CFAP65: variants seen among roughly 807,000 people sequenced by gnomAD.
CFAP65 encodes cilia- and flagella-associated protein 65.
CFAP65 carries 155 observed loss-of-function variants against 208.0 expected under a neutral mutation model. The observed-to-expected ratio is 0.75, with a 90% CI of 0.65 to 0.85. The LOEUF (loss-of-function observed/expected upper bound fraction) is 0.85. CFAP65 is among the 40% of genes least tolerant of loss of function. CFAP65 has a pLI of 0.00. For missense variants in CFAP65, 2,294 were observed against 2,451.3 expected (o/e 0.94, Z 1.36); for synonymous variants, 970 against 986.3 (o/e 0.98, Z 0.31).
intron 5 of CFAP65, 137 bp downstream of exon 5, chr2:219,035,343 G>A: frequency 6.4e-7 from 1 of 1,564,720 alleles, no homozygotes; most frequent in Non-Finnish European, 8.7e-7. Context: ...TATTCATACT[G>A]CACGTATTTT....
At chr2:219,023,732 C>T (rs1406754663) in intron 15 of CFAP65, among the ~76,000 whole-genome samples, 1 of 152,250 alleles carries the variant, frequency 6.6e-6, no homozygotes, top group African/African-American at 2.4e-5. Flanking sequence ...TATCCCTCTA[C>T]CACCTGCAGG....
Position 219,004,935 on chromosome 2 carries a change from T to TC in CFAP65, c.5052-481_5052-480insG, listed in dbSNP as rs1945842512. Among the ~76,000 whole-genome samples the TC allele has an allele frequency of 1.3e-5, 2 of 149,024 alleles. No homozygotes were observed. Among genetic ancestry groups the TC allele is most frequent in the African/African-American group, 5.1e-5 (2 of 39,028 alleles). ...TCTTTCTCTCTCTTTCTCTCCTCTT[T>TC]TTTCTTTCTTTCTTTCTTTCTTTCT... On this transcript the variant is annotated intron_variant, in intron 32 of 34. Coordinates refer to ENST00000341552, the MANE Select transcript of CFAP65 (RefSeq NM_194302.4). This position sits in a 1 kb window ranked among gnomAD's most constrained non-coding sequence, Gnocchi z 4.7.
In CFAP65 at chr2:219,031,653, C is replaced by T; in HGVS notation, c.651G>A (p.Glu217=). 6.2e-7 allele frequency: 1 copy of T among 1,607,466 alleles called. No homozygotes were observed. Among genetic ancestry groups the T allele is most frequent in the Non-Finnish European group, 8.5e-7 (1 of 1,176,480 alleles). ...TCTCAAACCACAGCTGGTCCATGTACTCCTTCTGCAGTGTGAGGCGGGGCA... is the reference window on the plus strand; with the variant it reads ...TCTCAAACCACAGCTGGTCCATGTATTCCTTCTGCAGTGTGAGGCGGGGCA... ...PIVFRPLEAK[E]YMDQLWFEKA... is the part of the protein sequence containing the mutation. The change falls in exon 7 of 35, where the codon GAG becomes GAA. Residue 217 remains glutamate (E), a synonymous_variant. Transcript: ENST00000341552. This position sits in a 1 kb window ranked among gnomAD's most constrained non-coding sequence, Gnocchi z 5.2.
chr2:219,028,478 A>T, intron 11 of CFAP65, 77 bp from the exon 12 acceptor site: 4 of 1,304,240 alleles, frequency 3.1e-6, no homozygotes, highest in Non-Finnish European at 4.4e-6. Flanking sequence ...TGAACTGAGG[A>T]CAGAAGCTGG....
intron 16 of CFAP65, 78 bp downstream of exon 16, chr2:219,023,129 G>A (rs1181270839): frequency 1.6e-6 from 2 of 1,280,044 alleles, no homozygotes; most frequent in Non-Finnish European, 2.2e-6. Context: ...CACATGGCAA[G>A]TCTGGGCTAT....
intron 15 of CFAP65, 81 bp downstream of exon 15, chr2:219,023,934 C>A (rs986798554): frequency 2.0e-5 from 30 of 1,520,346 alleles, no homozygotes; most frequent in Non-Finnish European, 2.3e-5. Context: ...AGGGGCCAAC[C>A]CCAGAATATG....
chr2:219,035,285 T>G, intron 5 of CFAP65, 195 bp downstream of exon 5: 5 of 1,488,930 alleles, frequency 3.4e-6, no homozygotes, highest in Non-Finnish European at 4.5e-6. Context: ...CAGGCACACA[T>G]TGGGACACTA....
At chr2:219,041,365 C>T in intron 1 of CFAP65, 123 bp downstream of exon 1, 1 of 951,730 alleles carries the variant, frequency 1.1e-6, no homozygotes, top group Admixed American at 2.0e-5. Flanking sequence ...CTCTGAAGGG[C>T]ATGGAGGGGA....
intron 24 of CFAP65, 109 bp downstream of exon 24, chr2:219,013,150 C>T: frequency 2.5e-6 from 2 of 789,802 alleles, no homozygotes; most frequent in South Asian, 3.1e-5. Context: ...CCCAGCCCCT[C>T]AATGCTTCCA....
Position 219,029,472 on chromosome 2 carries a change from C to T in CFAP65, c.1581G>A (p.Leu527=). 6.2e-7 allele frequency: 1 copy of T among 1,614,096 alleles called. No homozygotes were observed. The highest frequency in any genetic ancestry group is 8.5e-7 in the Non-Finnish European group (1 of 1,180,002). Residue 527 remains leucine, a synonymous_variant, in exon 11 of 35, where the codon CTG becomes CTA. Coordinates refer to ENST00000341552, the MANE Select transcript of CFAP65 (RefSeq NM_194302.4). ...GTLVGKARMT[L]HCAFQPTHPI... ...GGTGAGTGGGCTGGAAGGCACAGTG[C>T]AGGGTCATACGGGCCTTGCCCACCA...
chr2:219,040,376 G>T, intron 2 of CFAP65, 143 bp downstream of exon 2: 268 of 549,538 alleles, frequency 4.9e-4, no homozygotes, highest in East Asian at 7.6e-4. Flanking sequence ...AGATTCTGTT[G>T]ACCCTGGTTT....
At chr2:219,035,716 G>A in intron 4 of CFAP65, 52 bp from the exon 5 acceptor site, 1 of 1,549,504 alleles carries the variant, frequency 6.5e-7, no homozygotes, top group Non-Finnish European at 8.7e-7. Context: ...TCAGCAGGGT[G>A]GGATGCCAAG....
At position 219,038,881 on chromosome 2, in the gene CFAP65, A is replaced by G. The variant is rs746065104; in HGVS notation, c.153+15T>C. ...CAGCAAGCTCCAGTGGGTGTTACTG[A>G]AGTGTGTGCATTACCTTTATCTGGC... On this transcript the variant is annotated intron_variant, in intron 3 of 34. Transcript: ENST00000341552. 6.3e-7 allele frequency: 1 copy of G among 1,596,752 alleles called. No individual in the cohort carries two copies. The highest frequency in any genetic ancestry group is 1.1e-5 in the South Asian group (1 of 87,798).
At chr2:219,035,397 G>GTTCGT in intron 5 of CFAP65, 83 bp downstream of exon 5, 1 of 1,606,612 alleles carries the variant, frequency 6.2e-7, no homozygotes, top group Non-Finnish European at 8.5e-7. Context: ...GGTTTTTTTT[G>GTTCGT]TTTGTTTTGT....
intron 16 of CFAP65, 134 bp from the exon 17 acceptor site, chr2:219,022,463 A>G (rs555667547): frequency 2.1e-6 from 2 of 963,980 alleles, no homozygotes; most frequent in African/African-American, 3.2e-5. Flanking sequence ...CAGGCATTGT[A>G]CACGGCACAT....
At position 219,003,124 on chromosome 2, in the gene CFAP65, G is replaced by A. The variant is rs750322732; in HGVS notation, c.5693+11C>T. 1.3e-6 allele frequency: 2 copies of A among 1,542,510 alleles called. No homozygotes were observed. Among genetic ancestry groups the A allele is most frequent in the African/African-American group, 1.4e-5 (1 of 72,934 alleles). On this transcript the variant is annotated intron_variant, in intron 34 of 34. Coordinates refer to ENST00000341552, the MANE Select transcript of CFAP65 (RefSeq NM_194302.4). This position sits in a 1 kb window ranked among gnomAD's most constrained non-coding sequence, Gnocchi z 4.4. ...CGCGGTCTGCGCGGCCGCTGGTCCC[G>A]GCGCCCTTACCTGGGCACGCAGAAC...
In CFAP65 at chr2:219,029,645, A is replaced by G. The variant is rs575606137; in HGVS notation, c.1408T>C (p.Tyr470His). The G allele has an allele frequency of 2.5e-6, 4 of 1,614,014 alleles. No individual in the cohort carries two copies. Among genetic ancestry groups the G allele is most frequent in the African/African-American group, 2.7e-5 (2 of 74,908 alleles). Residue 470 changes from tyrosine (Y) to histidine (H), a missense_variant, in exon 11 of 35, where the codon TAC becomes CAC. Tyr to His is a moderately conservative substitution (Grantham distance 83). This residue lies in a region of CFAP65 where 867 missense variants were observed against 1,012.6 expected (regional missense o/e 0.86). Transcript: ENST00000341552. ...TTGACCCAGCTGAAGTTGACACAGT[A>G]GTGCTGCAGGGACACAGCAGGGCCT... ...CRGPAVSLQH[Y>H]CVNFSWVNLG...
chr2:219,011,426 T>C (rs1946476894), intron 24 of CFAP65, among the ~76,000 whole-genome samples: 1 of 151,938 alleles, frequency 6.6e-6, no homozygotes, highest in Admixed American at 6.6e-5. Context: ...AGGCATGCAC[T>C]ACCACACACA....
At chr2:219,006,833 CAAAAAA>C (rs752764154) in intron 29 of CFAP65, among the ~76,000 whole-genome samples, 15 of 76,450 alleles carry the variant, frequency 2.0e-4, no homozygotes, top group Admixed American at 6.1e-4. Flanking sequence ...GACTCTGTCT[CAAAAAA>C]AAAAAAAAAA....
Sources: gnomAD v4.1 joint callset for allele counts (sites outside exome capture counted in the v4.1 genomes callset) on GRCh38, gnomAD v4.1.1 for gene constraint, gnomAD v4.1.1 regional missense constraint, Gnocchi (gnomAD v3.1) non-coding constraint, MANE v1.5 for transcripts, NCBI Gene and HGNC (gene_info 2026-07-23, HGNC 2026-07-21) for gene names.